GAD2: variants seen among roughly 807,000 people sequenced by gnomAD.
The protein encoded by GAD2 is glutamate decarboxylase 2.
In GAD2, 22 loss-of-function variants were observed where a neutral mutation model predicts 80.1. The ratio of observed to expected loss-of-function variants is 0.27; its 90% CI spans 0.20 to 0.39. GAD2 has a LOEUF of 0.39. GAD2 is among the 10% of genes least tolerant of loss of function. The probability of loss-of-function intolerance (pLI) is 1.00; values close to 1 mark genes in which losing one functional copy is unlikely to be tolerated. For missense variants in GAD2, 624 were observed against 738.4 expected, an observed-to-expected ratio of 0.85 and a Z score of 1.80; for synonymous variants, 274 against 256.9, an observed-to-expected ratio of 1.07 and a Z score of -0.64.
At chr10:26,226,079 AT>A (rs140411439) in intron 6 of GAD2, among the ~76,000 whole-genome samples, 8 of 150,774 alleles carry the variant, frequency 5.3e-5, no homozygotes, top group Admixed American at 1.3e-4. Context: ...GCTGGGCTCT[AT>A]TTTTTTTTCT....
chr10:26,292,981 G>A lies in GAD2; in HGVS notation c.1574G>A (p.Arg525His), dbSNP rs1223100093. 1.7e-5 allele frequency: 27 copies of A among 1,612,364 alleles called. No homozygotes were observed. Among genetic ancestry groups the A allele is most frequent in the South Asian group, 7.7e-5 (7 of 91,060 alleles). Residue 525 changes from arginine (R) to histidine (H), a missense_variant, in exon 15 of 16, where the codon CGC (arginine) becomes CAC (histidine). Transcript: ENST00000376261. ...GAAGACAATGAAGAGAGAATGAGTC[G>A]CCTCTCGAAGGTCAGTGCTCCAAGC... ...TLEDNEERMS[R>H]LSKVAPVIKA... is the part of the protein sequence containing the mutation.
intron 7 of GAD2, among the ~76,000 whole-genome samples, chr10:26,241,343 A>G (rs1844739684): frequency 6.6e-6 from 1 of 152,102 alleles, no homozygotes. Context: ...GTAGCTTCCA[A>G]TTTTTGTTCA....
chr10:26,246,543 G>A (rs549246705), intron 8 of GAD2, among the ~76,000 whole-genome samples: 52 of 152,326 alleles, frequency 3.4e-4, no homozygotes, highest in Admixed American at 5.9e-4. Flanking sequence ...GAATGTCCAC[G>A]TAAAGTATCA....
intron 12 of GAD2, among the ~76,000 whole-genome samples, chr10:26,285,733 G>A (rs1280218311): frequency 6.6e-6 from 1 of 150,984 alleles, no homozygotes; most frequent in Non-Finnish European, 1.5e-5. Context: ...TGAAAGATTG[G>A]TTATTTAAAT....
chr10:26,217,534 C>T lies in GAD2; in HGVS notation c.77-76C>T. ...AGGACCCCGGACTGATTGATTTTCA[C>T]ATAGAACGAAATTTCACACGTCCGT... On this transcript the variant is annotated intron_variant, in intron 1 of 15. Transcript: ENST00000376261. The surrounding 1 kb of genome is among the most constrained non-coding windows in gnomAD (Gnocchi z 4.9). 1 of 1,473,256 alleles carries T rather than the reference C, an allele frequency of 6.8e-7. No individual in the cohort carries two copies. Among genetic ancestry groups the T allele is most frequent in the Middle Eastern group, 1.7e-4 (1 of 5,816 alleles). The allele number at this position is 1,473,256 out of a possible 1,614,324, so 91.3% of individuals were successfully genotyped here. A position where few individuals can be genotyped will look rare whatever the true frequency, so the allele number is the denominator to read the frequency against.
At chr10:26,250,109 G>A (rs1318820973) in intron 8 of GAD2, among the ~76,000 whole-genome samples, 1 of 151,862 alleles carries the variant, frequency 6.6e-6, no homozygotes, top group Non-Finnish European at 1.5e-5. Flanking sequence ...GAATTCCTAG[G>A]CTCAAGCAAT....
chr10:26,273,805 C>T, intron 11 of GAD2, 105 bp downstream of exon 11: 3 of 887,342 alleles, frequency 3.4e-6, no homozygotes, highest in Non-Finnish European at 5.5e-6. Context: ...AGTGAACTCA[C>T]TCTATTCAGT....
chr10:26,256,309 C>A (rs1020311723), intron 8 of GAD2, among the ~76,000 whole-genome samples: 6 of 152,022 alleles, frequency 3.9e-5, no homozygotes, highest in Non-Finnish European at 8.8e-5. Context: ...CGCTGTTTTA[C>A]CCCTTAATAT....
intron 9 of GAD2, among the ~76,000 whole-genome samples, chr10:26,270,313 G>A (rs982895280): frequency 6.6e-6 from 1 of 152,046 alleles, no homozygotes; most frequent in East Asian, 1.9e-4. Context: ...GAGCAAAGGG[G>A]GTTAAAAGGG....
At chr10:26,266,419 T>C (rs1021901032) in intron 8 of GAD2, among the ~76,000 whole-genome samples, 1 of 152,228 alleles carries the variant, frequency 6.6e-6, no homozygotes, top group Non-Finnish European at 1.5e-5. Flanking sequence ...GAGAAAAAGA[T>C]GGTAAGTTTC....
intron 7 of GAD2, among the ~76,000 whole-genome samples, chr10:26,237,043 C>T (rs893987723): frequency 2.0e-5 from 3 of 152,212 alleles, no homozygotes; most frequent in Non-Finnish European, 4.4e-5. Context: ...AGCCACTGTG[C>T]AGAGAGATGC....
chr10:26,220,354 A>G (rs1844437865), intron 4 of GAD2, among the ~76,000 whole-genome samples: 1 of 152,238 alleles, frequency 6.6e-6, no homozygotes, highest in Admixed American at 6.5e-5. Flanking sequence ...TTGCTGATGA[A>G]TTAGCAGTAT....
chr10:26,299,098 A>G (rs1158171733), intron 15 of GAD2, among the ~76,000 whole-genome samples: 4 of 152,174 alleles, frequency 2.6e-5, no homozygotes, highest in Non-Finnish European at 5.9e-5. Flanking sequence ...GTTCATTTTT[A>G]GAGAAGGAAA....
intron 10 of GAD2, among the ~76,000 whole-genome samples, chr10:26,271,086 T>C (rs1256104163): frequency 6.6e-6 from 1 of 152,232 alleles, no homozygotes; most frequent in Non-Finnish European, 1.5e-5. Flanking sequence ...CACACAGTCC[T>C]GCTGTTCCTC....
At chr10:26,229,980 C>A (rs1276267358) in intron 7 of GAD2, among the ~76,000 whole-genome samples, 1 of 152,098 alleles carries the variant, frequency 6.6e-6, no homozygotes, top group African/African-American at 2.4e-5. Flanking sequence ...GATAAAGGAG[C>A]AGCCTGGGCA....
intron 9 of GAD2, 73 bp downstream of exon 9, chr10:26,269,246 G>C: frequency 1.5e-6 from 2 of 1,313,564 alleles, no homozygotes; most frequent in Non-Finnish European, 2.1e-6. Context: ...ATGTGTTTTG[G>C]TTTTATTTTA....
upstream of GAD2, chr10:26,216,595 G>A: frequency 2.4e-6 from 1 of 412,178 alleles, no homozygotes. This position sits in a 1 kb window ranked among gnomAD's most constrained non-coding sequence, Gnocchi z 4.7. Context: ...GGGTTGCCAC[G>A]TCCCTAAACC....
intron 9 of GAD2, among the ~76,000 whole-genome samples, chr10:26,270,182 G>A (rs1403318994): frequency 6.6e-6 from 1 of 152,148 alleles, no homozygotes; most frequent in Non-Finnish European, 1.5e-5. Context: ...AATTATCTGG[G>A]CATTTTCCAA....
intron 4 of GAD2, 54 bp downstream of exon 4, chr10:26,219,330 TA>T (rs998201226): frequency 1.3e-5 from 15 of 1,157,866 alleles, no homozygotes; most frequent in African/African-American, 7.9e-5. Flanking sequence ...ATTTTTATTT[TA>T]TTTTTTTCTA....
Sources: gnomAD v4.1 joint callset for allele counts (sites outside exome capture counted in the v4.1 genomes callset) on GRCh38, gnomAD v4.1.1 for gene constraint, Gnocchi (gnomAD v3.1) non-coding constraint, MANE v1.5 for transcripts, NCBI Gene and HGNC (gene_info 2026-07-23, HGNC 2026-07-21) for gene names.